STIMATE: variants seen among roughly 807,000 people sequenced by gnomAD.
STIMATE encodes STIM activating enhancer, also known as store-operated calcium entry regulator STIMATE.
In STIMATE, 15 loss-of-function variants were observed where a neutral mutation model predicts 36.7. That is an observed-to-expected ratio of 0.41 (90% CI 0.27 to 0.63). STIMATE has a LOEUF of 0.63. Among genes scored for constraint, STIMATE ranks in the 20% least tolerant of loss-of-function variants. STIMATE has a pLI of 0.32. For missense variants in STIMATE, 305 were observed against 397.3 expected, an observed-to-expected ratio of 0.77 and a Z score of 1.98; for synonymous variants, 163 against 162.3, an observed-to-expected ratio of 1.00 and a Z score of -0.03.
chr3:52,878,093 TA>T (rs532307762), intron 1 of STIMATE, among the ~76,000 whole-genome samples: 637 of 112,468 alleles, frequency 5.7e-3, no homozygotes, highest in African/African-American at 0.011. Flanking sequence ...GACTCCGTCT[TA>T]AAAAAAAAAA....
At chr3:52,849,236 GAT>G (rs887063901) in intron 4 of STIMATE, among the ~76,000 whole-genome samples, 1 of 152,212 alleles carries the variant, frequency 6.6e-6, no homozygotes, top group African/African-American at 2.4e-5. Context: ...GGAGAGAGCT[GAT>G]GTTACCCCTA....
At chr3:52,877,035 T>C (rs1032301345) in intron 1 of STIMATE, among the ~76,000 whole-genome samples, 5 of 152,246 alleles carry the variant, frequency 3.3e-5, no homozygotes, top group Admixed American at 6.5e-5. Context: ...ACTCAAGTCT[T>C]AATGCAGGTT....
In STIMATE at chr3:52,857,931, C is replaced by T. The variant is rs190145482; in HGVS notation, c.161-2487G>A. The stretch of plus-strand genomic sequence containing the variant: ...TTAAGGTTTAATGAGAGCTTTTTGG[C>T]GGGCCCTAATCCAATGACTGGAATC... On this transcript the variant is annotated intron_variant, in intron 1 of 7. Coordinates refer to ENST00000355083, the MANE Select transcript of STIMATE (RefSeq NM_198563.5). Among the ~76,000 whole-genome samples the T allele has an allele frequency of 7.3e-3, 1,117 of 152,004 alleles. 120 individuals carry two copies. In the South Asian group the frequency reaches 0.21, roughly 28 times the overall value.
At chr3:52,862,117 C>A (rs1234247974) in intron 1 of STIMATE, among the ~76,000 whole-genome samples, 1 of 152,168 alleles carries the variant, frequency 6.6e-6, no homozygotes, top group South Asian at 2.1e-4. Context: ...GCTAGTCCTG[C>A]CCAGCTCTGC....
intron 4 of STIMATE, among the ~76,000 whole-genome samples, chr3:52,846,937 T>C (rs1432044254): frequency 6.6e-6 from 1 of 152,200 alleles, no homozygotes; most frequent in Non-Finnish European, 1.5e-5. Context: ...GGGGTCTCAC[T>C]CTGTCATTCA....
At chr3:52,852,531 C>T in intron 3 of STIMATE, 72 bp downstream of exon 3, 1 of 1,588,328 alleles carries the variant, frequency 6.3e-7, no homozygotes, top group Non-Finnish European at 8.6e-7. Context: ...GGACCAGCAG[C>T]AGAAAGCAAG....
At chr3:52,884,094 T>C (rs1248648696) in intron 1 of STIMATE, among the ~76,000 whole-genome samples, 1 of 152,200 alleles carries the variant, frequency 6.6e-6, no homozygotes, top group Non-Finnish European at 1.5e-5. Flanking sequence ...TCAAGGCTTT[T>C]TTCCCCTTTC....
At chr3:52,868,072 G>C (rs1205878854) in intron 1 of STIMATE, among the ~76,000 whole-genome samples, 2 of 152,164 alleles carry the variant, frequency 1.3e-5, no homozygotes, top group African/African-American at 2.4e-5. Flanking sequence ...GAAAAACCCA[G>C]AAGTGTTTCT....
At chr3:52,865,931 T>C (rs973097631) in intron 1 of STIMATE, among the ~76,000 whole-genome samples, 1 of 152,128 alleles carries the variant, frequency 6.6e-6, no homozygotes, top group African/African-American at 2.4e-5. Context: ...CGTCACATGC[T>C]TTACACGTTG....
At chr3:52,847,616 T>G in intron 4 of STIMATE, 2 of 1,037,472 alleles carry the variant, frequency 1.9e-6, no homozygotes, top group South Asian at 2.8e-5. Flanking sequence ...AGAAGAGAGC[T>G]GTGGTACCTC....
intron 1 of STIMATE, among the ~76,000 whole-genome samples, chr3:52,895,128 G>T (rs1052658112): frequency 1.3e-5 from 2 of 152,212 alleles, no homozygotes; most frequent in Non-Finnish European, 2.9e-5. Context: ...CTTCCTTAAG[G>T]CTACCTTGAT....
At chr3:52,886,804 G>A (rs1014023450) in intron 1 of STIMATE, among the ~76,000 whole-genome samples, 1 of 152,222 alleles carries the variant, frequency 6.6e-6, no homozygotes, top group Admixed American at 6.5e-5. Flanking sequence ...ACCAACACTA[G>A]AATCAACTGA....
chr3:52,867,015 G>A (rs1231546149), intron 1 of STIMATE, among the ~76,000 whole-genome samples: 1 of 152,182 alleles, frequency 6.6e-6, no homozygotes, highest in Non-Finnish European at 1.5e-5. Flanking sequence ...GGAAGCCGGG[G>A]TCTCCCGGCT....
intron 1 of STIMATE, among the ~76,000 whole-genome samples, chr3:52,890,480 G>T (rs913377188): frequency 6.6e-6 from 1 of 152,256 alleles, no homozygotes; most frequent in African/African-American, 2.4e-5. Context: ...TTGTCACAAT[G>T]AGAGATTCTA....
At chr3:52,870,255 G>T (rs935093487) in intron 1 of STIMATE, among the ~76,000 whole-genome samples, 5 of 152,180 alleles carry the variant, frequency 3.3e-5, no homozygotes, top group African/African-American at 1.2e-4. Flanking sequence ...ACCACACCTG[G>T]CCTCTTTTTT....
intron 1 of STIMATE, among the ~76,000 whole-genome samples, chr3:52,856,479 G>A (rs754414559): frequency 2.1e-4 from 32 of 149,612 alleles, no homozygotes; most frequent in Non-Finnish European, 3.4e-4. Context: ...CCGGGAGTTC[G>A]AGACCAGCCT....
Position 52,840,442 on chromosome 3 carries a change from T to C in STIMATE, c.*52A>G. On this transcript the variant is annotated 3_prime_UTR_variant, in exon 8 of 8. Transcript: ENST00000355083. ...AGGAACGATGCTGCGGGATGACCTC[T>C]GCACACCAGCGGCTGGCGGGGCCCT... 6.3e-7 allele frequency: 1 copy of C among 1,595,574 alleles called. No individual in the cohort carries two copies.
intron 2 of STIMATE, among the ~76,000 whole-genome samples, chr3:52,854,030 T>C (rs1232359634): frequency 1.3e-5 from 2 of 152,238 alleles, no homozygotes; most frequent in African/African-American, 4.8e-5. Flanking sequence ...TGCAGGATCA[T>C]AATCTGTGAA....
intron 1 of STIMATE, among the ~76,000 whole-genome samples, chr3:52,879,257 G>C (rs1263160214): frequency 6.6e-6 from 1 of 152,178 alleles, no homozygotes; most frequent in Non-Finnish European, 1.5e-5. Flanking sequence ...TCAGTCCCCA[G>C]GCCTACGAGT....
Sources: gnomAD v4.1 joint callset for allele counts (sites outside exome capture counted in the v4.1 genomes callset) on GRCh38, gnomAD v4.1.1 for gene constraint, MANE v1.5 for transcripts, NCBI Gene and HGNC (gene_info 2026-07-23, HGNC 2026-07-21) for gene names.